The following C4orf51 variants were observed in gnomAD, a reference collection of about 807,000 sequenced individuals.
C4orf51 encodes uncharacterized protein C4orf51.
In C4orf51, 25 loss-of-function variants were observed where a neutral mutation model predicts 25.2. The observed-to-expected ratio is 0.99, with a 90% confidence interval of 0.72 to 1.39. The LOEUF (loss-of-function observed/expected upper bound fraction) is 1.39. Ranked by LOEUF, C4orf51 falls within the 40% of genes most tolerant of loss-of-function variation. The pLI is 0.00. For synonymous variants in C4orf51, 100 were observed against 84.5 expected (o/e 1.18, Z -1.01); for missense variants, 252 against 239.6 (o/e 1.05, Z -0.34).
intron 1 of C4orf51, among the ~76,000 whole-genome samples, chr4:145,685,240 T>C (rs552550319): frequency 6.6e-6 from 1 of 152,322 alleles, no homozygotes; most frequent in East Asian, 1.9e-4. Flanking sequence ...ATTTTTACAA[T>C]ATCCTTGTAT....
At chr4:145,684,444 T>C (rs1235333874) in intron 1 of C4orf51, among the ~76,000 whole-genome samples, 3 of 152,144 alleles carry the variant, frequency 2.0e-5, no homozygotes, top group African/African-American at 7.2e-5. Flanking sequence ...ATCATGCCAC[T>C]GCACTCCAGC....
the C4orf51 span, among the ~76,000 whole-genome samples, chr4:145,784,974 G>A: frequency 1.2e-3 from 182 of 152,170 alleles, 1 homozygote; most frequent in African/African-American, 4.1e-3. Context: ...CTGGCTACTC[G>A]GTATTATGTG....
rs1336884052 is a variant in C4orf51, at chr4:145,732,747, A to G, written c.*187A>G. The G allele has an allele frequency of 8.7e-6, 4 of 459,550 alleles. No individual in the cohort carries two copies. The East Asian group carries it at 1.3e-4, about 15-fold the overall frequency. 28.5% of individuals were successfully genotyped at this position (459,550 alleles called of 1,614,324 possible). ...AGTTTTTTCCCTTTTTAATTGGTGG[A>G]GAGAGACAAAAGTTTTTATAATCTT... On this transcript the variant is annotated 3_prime_UTR_variant, in exon 6 of 6. Transcript: ENST00000438731.
At chr4:145,714,846 C>T (rs1731317948) in intron 2 of C4orf51, among the ~76,000 whole-genome samples, 4 of 152,124 alleles carry the variant, frequency 2.6e-5, no homozygotes, top group South Asian at 4.1e-4. Flanking sequence ...TTTGATGGCT[C>T]TCTCAGGCCT....
rs147921332 is a variant in C4orf51, at chr4:145,725,575, G to A, written c.308-1336G>A. 1.2e-3 allele frequency among the ~76,000 whole-genome samples: 186 copies of A among 149,198 alleles called. 1 individual carries two copies. The highest frequency in any genetic ancestry group is 4.3e-3 in the African/African-American group (171 of 39,722). The stretch of plus-strand genomic sequence containing the variant: ...ATGAGTAACAAAATCTAGTATATTC[G>A]TACAATGGAACACTATTCAGCAATT... On this transcript the variant is annotated intron_variant, in intron 2 of 5. Coordinates refer to ENST00000438731, the MANE Select transcript of C4orf51 (RefSeq NM_001080531.3).
intron 1 of C4orf51, among the ~76,000 whole-genome samples, chr4:145,696,094 T>C (rs1223563466): frequency 6.6e-6 from 1 of 152,026 alleles, no homozygotes; most frequent in Non-Finnish European, 1.5e-5. Context: ...AAACCCTGTC[T>C]CTACTAAAAA....
At chr4:145,776,618 G>T in the C4orf51 span, among the ~76,000 whole-genome samples, 1 of 152,090 alleles carries the variant, frequency 6.6e-6, no homozygotes, top group African/African-American at 2.4e-5. Context: ...CTGTTTGTGT[G>T]TGTGTGTGTA....
At chr4:145,777,438 G>A in the C4orf51 span, among the ~76,000 whole-genome samples, 15 of 152,094 alleles carry the variant, frequency 9.9e-5, no homozygotes, top group Non-Finnish European at 1.8e-4. Context: ...CTTTATAAAC[G>A]GTATGTCCTT....
intron 1 of C4orf51, among the ~76,000 whole-genome samples, chr4:145,740,715 A>G (rs1733053404): frequency 6.6e-6 from 1 of 152,228 alleles, no homozygotes; most frequent in Non-Finnish European, 1.5e-5. Context: ...CTTTAATGGA[A>G]GAGCCCACCA....
intron 1 of C4orf51, among the ~76,000 whole-genome samples, chr4:145,750,500 G>T (rs1312714931): frequency 1.4e-5 from 2 of 144,950 alleles, no homozygotes; most frequent in African/African-American, 5.2e-5. Flanking sequence ...TGAAAAGTCT[G>T]CTGCCAAACA....
chr4:145,782,424 G>T, the C4orf51 span, among the ~76,000 whole-genome samples: 1 of 152,136 alleles, frequency 6.6e-6, no homozygotes, highest in Non-Finnish European at 1.5e-5. Context: ...TGTGAATGAT[G>T]CCACCCAAGT....
chr4:145,683,425 C>A (rs1728952601), intron 1 of C4orf51, among the ~76,000 whole-genome samples: 1 of 152,022 alleles, frequency 6.6e-6, no homozygotes, highest in Non-Finnish European at 1.5e-5. Flanking sequence ...TATGGAGAGG[C>A]AAAAGACCAA....
intron 1 of C4orf51, among the ~76,000 whole-genome samples, chr4:145,748,817 A>G (rs192373528): frequency 4.3e-4 from 65 of 152,176 alleles, no homozygotes; most frequent in Middle Eastern, 3.4e-3. Flanking sequence ...TGATTCATGT[A>G]CTGAGGAGAA....
chr4:145,701,127 A>G (rs1730410380), intron 2 of C4orf51, among the ~76,000 whole-genome samples: 1 of 152,106 alleles, frequency 6.6e-6, no homozygotes, highest in Admixed American at 6.5e-5. Context: ...CTTATTCTCA[A>G]TATACATTTT....
At chr4:145,730,134 A>G (rs377436950) in intron 5 of C4orf51, among the ~76,000 whole-genome samples, 169 bp downstream of exon 5, 9 of 152,350 alleles carry the variant, frequency 5.9e-5, no homozygotes, top group African/African-American at 1.9e-4. Context: ...TGTTCTGATA[A>G]GATAAAGTCT....
At chr4:145,723,369 A>C (rs1480301943) in intron 2 of C4orf51, among the ~76,000 whole-genome samples, 7 of 152,068 alleles carry the variant, frequency 4.6e-5, no homozygotes, top group Admixed American at 4.6e-4. Flanking sequence ...ACGAACCTTC[A>C]TTTCTAATGA....
chr4:145,691,681 C>T lies in C4orf51; in HGVS notation c.234-4878C>T, dbSNP rs957251567. ...GCTGTTAAGTGAATTAATGCAGAAA[C>T]AGAAAATCAAACACAGCATGTTCTC... On this transcript the variant is annotated intron_variant, in intron 1 of 5. Transcript: ENST00000438731. Among the ~76,000 whole-genome samples, 4 of 152,244 alleles carry T rather than the reference C, an allele frequency of 2.6e-5. No individual in the cohort carries two copies. In the East Asian group the frequency reaches 7.7e-4, roughly 29 times the overall value.
chr4:145,703,870 T>C (rs750291872), intron 2 of C4orf51, among the ~76,000 whole-genome samples: 2 of 152,252 alleles, frequency 1.3e-5, no homozygotes, highest in Non-Finnish European at 2.9e-5. Context: ...GTGGGAGCCA[T>C]AGGCTCTTGG....
At chr4:145,784,288 C>T in the C4orf51 span, among the ~76,000 whole-genome samples, 8 of 152,218 alleles carry the variant, frequency 5.3e-5, no homozygotes, top group Non-Finnish European at 1.2e-4. Context: ...ACGCCAGCAA[C>T]CACCCACTTT....
Sources: gnomAD v4.1 joint callset for allele counts (sites outside exome capture counted in the v4.1 genomes callset) on GRCh38, gnomAD v4.1.1 for gene constraint, MANE v1.5 for transcripts, NCBI Gene and HGNC (gene_info 2026-07-23, HGNC 2026-07-21) for gene names.